Variants in SIPA1L1 observed in about 807,000 individuals in gnomAD.
SIPA1L1 encodes the protein signal induced proliferation associated 1 like 1.
Under a neutral mutation model 162.7 loss-of-function variants are expected in SIPA1L1, and 26 were observed. The observed-to-expected ratio is 0.16, with a 90% CI of 0.12 to 0.22. SIPA1L1 has a LOEUF of 0.22. Ranked by LOEUF, SIPA1L1 falls within the 10% of genes least tolerant of loss-of-function variation. The pLI, the probability that SIPA1L1 is intolerant of heterozygous loss-of-function variation, is 1.00. For synonymous variants in SIPA1L1, 829 were observed against 837.4 expected (o/e 0.99, Z 0.17); for missense variants, 1,874 against 2,241.0 (o/e 0.84, Z 3.31).
chr14:71,650,606 C>T (rs984768592), intron 8 of SIPA1L1, 97 bp downstream of exon 8: 17 of 1,126,636 alleles, frequency 1.5e-5, no homozygotes, highest in Admixed American at 3.9e-5. Context: ...TGCCATTTAT[C>T]GCAGAACACT....
chr14:71,383,867 G>GTGTTCT (rs1272448719), intron 2 of SIPA1L1, among the ~76,000 whole-genome samples: 2 of 152,140 alleles, frequency 1.3e-5, no homozygotes, highest in Non-Finnish European at 2.9e-5. Context: ...CATTTCAACA[G>GTGTTCT]GAGATTTGGA....
chr14:71,589,626 G>C (rs1326888638), intron 5 of SIPA1L1, among the ~76,000 whole-genome samples: 1 of 152,072 alleles, frequency 6.6e-6, no homozygotes, highest in East Asian at 1.9e-4. Context: ...TTGACTTAGC[G>C]ATTGAAATTA....
intron 2 of SIPA1L1, among the ~76,000 whole-genome samples, chr14:71,485,940 C>G (rs577299124): frequency 6.6e-6 from 1 of 152,270 alleles, no homozygotes; most frequent in Non-Finnish European, 1.5e-5. Flanking sequence ...ATTGCCTATA[C>G]ACCCTCTCTC....
intron 2 of SIPA1L1, among the ~76,000 whole-genome samples, chr14:71,507,250 T>C (rs2050752383): frequency 6.6e-6 from 1 of 152,228 alleles, no homozygotes; most frequent in African/African-American, 2.4e-5. Flanking sequence ...AGTGCAGCAG[T>C]TGGAGGGAAA....
chr14:71,347,790 T>A (rs572072871), intron 2 of SIPA1L1, among the ~76,000 whole-genome samples: 1 of 152,370 alleles, frequency 6.6e-6, no homozygotes. Flanking sequence ...CATTTGTAGA[T>A]CTTTGGAGAA....
intron 19 of SIPA1L1, among the ~76,000 whole-genome samples, chr14:71,725,571 A>G (rs113908329): frequency 6.6e-6 from 1 of 152,196 alleles, no homozygotes; most frequent in African/African-American, 2.4e-5. Context: ...ATGTGACCAC[A>G]TGGAAAGGTT....
At chr14:71,681,368 G>A (rs2045791935) in intron 12 of SIPA1L1, among the ~76,000 whole-genome samples, 1 of 152,084 alleles carries the variant, frequency 6.6e-6, no homozygotes, top group South Asian at 2.1e-4. Context: ...TGTTCTGGAT[G>A]GTATTGCATA....
intron 2 of SIPA1L1, among the ~76,000 whole-genome samples, chr14:71,497,689 G>C (rs61989379): frequency 0.18 from 28,060 of 152,098 alleles, 3,097 homozygotes; most frequent in Middle Eastern, 0.36. Context: ...ATCAGTAGTT[G>C]CTTTTTATTT....
intron 12 of SIPA1L1, among the ~76,000 whole-genome samples, chr14:71,675,982 A>G (rs1010107650): frequency 1.3e-5 from 2 of 151,498 alleles, no homozygotes; most frequent in East Asian, 1.9e-4. Context: ...TAGTACTTAA[A>G]TAACATGTAA....
intron 22 of SIPA1L1, among the ~76,000 whole-genome samples, chr14:71,736,531 C>G (rs1480840992): frequency 1.3e-5 from 2 of 152,202 alleles, no homozygotes; most frequent in African/African-American, 4.8e-5. Flanking sequence ...TTGAGGACTT[C>G]TCTGAACAAG....
intron 2 of SIPA1L1, among the ~76,000 whole-genome samples, chr14:71,335,514 A>G (rs2035002048): frequency 6.6e-6 from 1 of 152,204 alleles, no homozygotes; most frequent in Non-Finnish European, 1.5e-5. Context: ...TAACTTGATG[A>G]CTGCCATCTA....
chr14:71,703,063 T>G (rs192010302), intron 15 of SIPA1L1, among the ~76,000 whole-genome samples: 105 of 152,346 alleles, frequency 6.9e-4, no homozygotes, highest in African/African-American at 2.5e-3. Context: ...CCCGGATTTC[T>G]ACTGCATAGC....
intron 4 of SIPA1L1, among the ~76,000 whole-genome samples, chr14:71,585,256 C>T (rs1467328161): frequency 1.3e-5 from 2 of 151,864 alleles, no homozygotes; most frequent in East Asian, 3.9e-4. Flanking sequence ...TTGCCCATCT[C>T]GAACCTCATC....
chr14:71,437,429 A>G (rs2044475285), intron 2 of SIPA1L1, among the ~76,000 whole-genome samples: 1 of 152,156 alleles, frequency 6.6e-6, no homozygotes, highest in South Asian at 2.1e-4. Flanking sequence ...GTCCAGTAGC[A>G]TGATCTCGAC....
chr14:71,469,198 T>C (rs773721248), intron 2 of SIPA1L1, among the ~76,000 whole-genome samples: 19 of 151,282 alleles, frequency 1.3e-4, no homozygotes, highest in Non-Finnish European at 2.4e-4. Context: ...CAGAGTCCAC[T>C]GGAGTCTCAC....
chr14:71,511,755 G>A (rs996974814), intron 2 of SIPA1L1, among the ~76,000 whole-genome samples: 1 of 152,126 alleles, frequency 6.6e-6, no homozygotes, highest in African/African-American at 2.4e-5. Flanking sequence ...TGGTTTCCTG[G>A]GTAATCAGTC....
At chr14:71,358,847 A>T (rs1212092785) in intron 2 of SIPA1L1, among the ~76,000 whole-genome samples, 3 of 152,092 alleles carry the variant, frequency 2.0e-5, no homozygotes, top group Non-Finnish European at 4.4e-5. Flanking sequence ...GGAAGGTGCT[A>T]TACACTTTTA....
In SIPA1L1 at chr14:71,671,028, G is replaced by A. The variant is rs1415797634; in HGVS notation, c.2256-91G>A. 12 of 1,000,964 alleles carry A rather than the reference G, an allele frequency of 1.2e-5. No individual in the cohort carries two copies. In the Admixed American group the frequency reaches 2.8e-4, roughly 24 times the overall value. The allele number at this position is 1,000,964 out of a possible 1,614,324, so 62.0% of individuals were successfully genotyped here. The stretch of plus-strand genomic sequence containing the variant: ...AATAAGCAGCTATTTTGTATCTGAG[G>A]TACATCTTTGTCTTTGAGAAAGTAT... On this transcript the variant is annotated intron_variant, in intron 10 of 23. Transcript: ENST00000381232.
chr14:71,567,230 C>A (rs1437595648), intron 4 of SIPA1L1, among the ~76,000 whole-genome samples: 1 of 152,158 alleles, frequency 6.6e-6, no homozygotes, highest in African/African-American at 2.4e-5. Context: ...GATGCTCCAA[C>A]TTAAACTTTC....
Sources: gnomAD v4.1 joint callset for allele counts (sites outside exome capture counted in the v4.1 genomes callset) on GRCh38, gnomAD v4.1.1 for gene constraint, MANE v1.5 for transcripts, NCBI Gene and HGNC (gene_info 2026-07-23, HGNC 2026-07-21) for gene names.